Variants in RBFOX1 observed in about 807,000 individuals in gnomAD.
The protein encoded by RBFOX1 is RNA binding fox-1 homolog 1, also known as RNA binding protein fox-1 homolog 1.
A neutral mutation model predicts 57.7 loss-of-function variants in RBFOX1; 8 were observed. The observed-to-expected ratio is 0.14, with a 90% CI of 0.08 to 0.25. The LOEUF is 0.25. Among genes scored for constraint, RBFOX1 ranks in the 10% least tolerant of loss-of-function variants. The probability of loss-of-function intolerance (pLI) is 1.00; values close to 1 mark genes in which losing one functional copy is unlikely to be tolerated. For synonymous variants in RBFOX1, 326 were observed against 222.4 expected (o/e 1.47, Z -4.15); for missense variants, 611 against 548.5 (o/e 1.11, Z -1.14).
intron 4 of RBFOX1, among the ~76,000 whole-genome samples, chr16:7,174,895 CA>C (rs2081358950): frequency 6.6e-6 from 1 of 152,182 alleles, no homozygotes. Context: ...ACATCCTTGA[CA>C]ACTATTTGTA....
chr16:7,000,115 C>T (rs746426838), intron 3 of RBFOX1, among the ~76,000 whole-genome samples: 1 of 149,870 alleles, frequency 6.7e-6, no homozygotes, highest in African/African-American at 2.5e-5. Flanking sequence ...GTCCAAACAT[C>T]ATATTATTTT....
chr16:6,750,846 G>C (rs1373601502), intron 3 of RBFOX1, among the ~76,000 whole-genome samples: 1 of 152,194 alleles, frequency 6.6e-6, no homozygotes, highest in East Asian at 1.9e-4. Context: ...TGTGTGTGAT[G>C]ATGAAACCAG....
chr16:7,425,777 GAA>G (rs2098604812), intron 4 of RBFOX1, among the ~76,000 whole-genome samples: 1 of 152,200 alleles, frequency 6.6e-6, no homozygotes. Context: ...ACTGGGGAGA[GAA>G]AGGATCGCCT....
intron 4 of RBFOX1, among the ~76,000 whole-genome samples, chr16:5,999,241 A>G (rs1206486730): frequency 6.6e-6 from 1 of 151,988 alleles, no homozygotes; most frequent in Non-Finnish European, 1.5e-5. Context: ...CCTTATCTCT[A>G]CCACAGGGCC....
At chr16:7,129,551 C>T (rs755055054) in intron 4 of RBFOX1, among the ~76,000 whole-genome samples, 1 of 152,074 alleles carries the variant, frequency 6.6e-6, no homozygotes, top group African/African-American at 2.4e-5. Flanking sequence ...TGGAGAGACA[C>T]ATTTGCCCTA....
At position 5,266,548 on chromosome 16, in the gene RBFOX1, G is replaced by GTTTTTT. The variant is rs3035524; in HGVS notation, c.219+26455_219+26460dup. Among the ~76,000 whole-genome samples, 23 of 128,004 alleles carry GTTTTTT rather than the reference G, an allele frequency of 1.8e-4. 2 individuals are homozygous for GTTTTTT. The East Asian group carries it at 2.5e-3, about 14-fold the overall frequency. The allele number at this position is 128,004 out of a possible 152,430, so 84.0% of individuals were successfully genotyped here. ...GGTGTTGGTAATATGGAAATGTTCA[G>GTTTTTT]TTTTTTTTTTTTTTTTTGAGGCAGG... is the stretch of plus-strand genomic sequence containing the variant. On this transcript the variant is annotated intron_variant, in intron 1 of 2. Coordinates refer to the RBFOX1 transcript ENST00000585867.
intron 3 of RBFOX1, among the ~76,000 whole-genome samples, chr16:6,838,571 A>G (rs2093270863): frequency 6.6e-6 from 1 of 152,200 alleles, no homozygotes; most frequent in Non-Finnish European, 1.5e-5. Context: ...CCTATGAGGT[A>G]GTCCTCTTCT....
chr16:6,090,401 T>C (rs781287193), intron 1 of RBFOX1, among the ~76,000 whole-genome samples: 26 of 152,316 alleles, frequency 1.7e-4, no homozygotes, highest in Non-Finnish European at 3.5e-4. Flanking sequence ...CATATCATCA[T>C]CTCCACTCTT....
At chr16:6,501,093 C>G (rs1469830765) in intron 2 of RBFOX1, among the ~76,000 whole-genome samples, 1 of 139,544 alleles carries the variant, frequency 7.2e-6, no homozygotes, top group African/African-American at 2.7e-5. Flanking sequence ...GTTCAGAGGT[C>G]TTTCTGCTGA....
At chr16:6,922,088 T>G (rs1597303957) in intron 3 of RBFOX1, among the ~76,000 whole-genome samples, 1 of 152,280 alleles carries the variant, frequency 6.6e-6, no homozygotes, top group Non-Finnish European at 1.5e-5. Context: ...TGCCCAGATT[T>G]TAGCATCTAC....
intron 2 of RBFOX1, among the ~76,000 whole-genome samples, chr16:5,584,821 A>G (rs1030787397): frequency 6.6e-6 from 1 of 152,142 alleles, no homozygotes; most frequent in Admixed American, 6.5e-5. Flanking sequence ...GCTGATACAG[A>G]CCCTATTAAT....
chr16:7,583,836 A>C (rs1249725680), intron 6 of RBFOX1, among the ~76,000 whole-genome samples: 1 of 152,178 alleles, frequency 6.6e-6, no homozygotes, highest in East Asian at 1.9e-4. Context: ...AATCAAAAAA[A>C]ACCACACCAA....
chr16:5,783,473 A>G (rs1036718100), intron 3 of RBFOX1, among the ~76,000 whole-genome samples: 3 of 152,292 alleles, frequency 2.0e-5, no homozygotes, highest in Admixed American at 6.5e-5. Flanking sequence ...TAAAAGATGC[A>G]TATCAATAAT....
chr16:5,385,753 T>G (rs1323659029), intron 1 of RBFOX1, among the ~76,000 whole-genome samples: 1 of 152,214 alleles, frequency 6.6e-6, no homozygotes, highest in Non-Finnish European at 1.5e-5. Context: ...CTATTTGTTA[T>G]GACCACCCTT....
At chr16:5,521,296 G>C (rs765839395) in intron 2 of RBFOX1, among the ~76,000 whole-genome samples, 1 of 122,078 alleles carries the variant, frequency 8.2e-6, no homozygotes, top group Non-Finnish European at 1.6e-5. Flanking sequence ...CCTCAAGTTT[G>C]CACAACTGCT....
intron 2 of RBFOX1, among the ~76,000 whole-genome samples, chr16:5,495,907 C>T (rs2042986782): frequency 6.6e-6 from 1 of 152,184 alleles, no homozygotes; most frequent in Non-Finnish European, 1.5e-5. Flanking sequence ...GGGCAGATCA[C>T]CTGAGGTCAG....
intron 1 of RBFOX1, among the ~76,000 whole-genome samples, chr16:6,289,298 G>A (rs919969683): frequency 1.3e-5 from 2 of 152,062 alleles, no homozygotes; most frequent in African/African-American, 4.8e-5. Context: ...GGATGGAAGG[G>A]TGGATATAGG....
intron 9 of RBFOX1, among the ~76,000 whole-genome samples, chr16:7,601,044 A>T (rs1035381248): frequency 2.8e-4 from 43 of 152,334 alleles, no homozygotes; most frequent in African/African-American, 1.0e-3. Flanking sequence ...GCAATACAAG[A>T]TTGAGAGCTG....
In RBFOX1 at chr16:6,930,353, A is replaced by G. The variant is rs146618732; in HGVS notation, c.-15-121704A>G. On this transcript the variant is annotated intron_variant, in intron 3 of 15. Transcript: ENST00000550418. The stretch of plus-strand genomic sequence containing the variant: ...CCTAACATCACTAATCTCTAGAGAA[A>G]TGCAAATCAAAGTCACAATGAGATA... Among the ~76,000 whole-genome samples the G allele has an allele frequency of 2.6e-5, 4 of 152,298 alleles. No homozygotes were observed. In the East Asian group the frequency reaches 7.7e-4, roughly 29 times the overall value.
Sources: allele counts gnomAD v4.1 joint callset (sites outside exome capture counted in the v4.1 genomes callset), GRCh38; gene constraint gnomAD v4.1.1; transcripts MANE v1.5; gene names NCBI Gene and HGNC (gene_info 2026-07-23, HGNC 2026-07-21).